The following SECISBP2L variants were observed in gnomAD, a reference collection of about 807,000 sequenced individuals.
SECISBP2L encodes SECIS binding protein 2 like.
Under a neutral mutation model 114.7 loss-of-function variants are expected in SECISBP2L, and 43 were observed. That is an observed-to-expected ratio of 0.38 (90% CI 0.29 to 0.48). The LOEUF is 0.48. Among genes scored for constraint, SECISBP2L ranks in the 20% least tolerant of loss-of-function variants. The pLI is 0.98. For missense variants in SECISBP2L, 1,136 were observed against 1,301.1 expected (o/e 0.87, Z 1.95); for synonymous variants, 451 against 439.7 (o/e 1.03, Z -0.32).
intron 7 of SECISBP2L, chr15:49,019,753 ACAT>A: frequency 2.5e-6 from 1 of 403,578 alleles, no homozygotes; most frequent in East Asian, 4.0e-5. Context: ...CAATTAATCC[ACAT>A]TGCTTTTTTC....
At chr15:49,000,778 C>T (rs958142293) in intron 15 of SECISBP2L, 99 bp downstream of exon 15, 1 of 949,970 alleles carries the variant, frequency 1.1e-6, no homozygotes. Flanking sequence ...TTGTTTTATA[C>T]CTAAACTCTG....
At chr15:49,000,749 CT>C (rs1902186590) in intron 15 of SECISBP2L, 127 bp downstream of exon 15, 2 of 709,642 alleles carry the variant, frequency 2.8e-6, no homozygotes, top group Non-Finnish European at 4.5e-6. Context: ...ACTGCATTTT[CT>C]TTTCTCATGC....
chr15:49,045,613 T>A (rs772717383), intron 1 of SECISBP2L, among the ~76,000 whole-genome samples: 1 of 152,154 alleles, frequency 6.6e-6, no homozygotes, highest in African/African-American at 2.4e-5. Context: ...AGAACACTAA[T>A]AGGACTACTT....
chr15:49,024,021 A>T (rs28564640), intron 7 of SECISBP2L, among the ~76,000 whole-genome samples: 1,901 of 152,292 alleles, frequency 0.012, 47 homozygotes, highest in African/African-American at 0.044. Flanking sequence ...GTTTTAAAAG[A>T]TTTCAAGTTT....
At chr15:49,012,855 C>T in intron 11 of SECISBP2L, 38 bp from the exon 12 acceptor site, 1 of 1,572,358 alleles carries the variant, frequency 6.4e-7, no homozygotes, top group Non-Finnish European at 8.6e-7. Flanking sequence ...ACCATTAGGG[C>T]CAATCCCACA....
At chr15:49,018,027 C>T (rs909870067) in intron 8 of SECISBP2L, among the ~76,000 whole-genome samples, 3 of 152,076 alleles carry the variant, frequency 2.0e-5, no homozygotes, top group African/African-American at 7.2e-5. Flanking sequence ...ACACAATTGT[C>T]AATAAGGTTA....
intron 3 of SECISBP2L, among the ~76,000 whole-genome samples, chr15:49,034,675 T>G (rs2141084070): frequency 6.7e-6 from 1 of 149,468 alleles, no homozygotes; most frequent in South Asian, 2.1e-4. Context: ...TTTTGTTTTT[T>G]TTTTTTTGAG....
At chr15:49,041,920 G>A (rs7177404) in intron 1 of SECISBP2L, among the ~76,000 whole-genome samples, 126,922 of 152,194 alleles carry the variant, frequency 0.83, 54,237 homozygotes, top group East Asian at 0.94. Context: ...TTAAAATGCC[G>A]AAACAAAACA....
In SECISBP2L at chr15:48,991,963, G is replaced by T. The variant is rs976687918; in HGVS notation, c.*281C>A. The T allele has an allele frequency of 2.1e-5, 6 of 282,620 alleles. No homozygotes were observed. Among genetic ancestry groups the T allele is most frequent in the African/African-American group, 1.3e-4 (6 of 45,696 alleles). 17.5% of individuals were successfully genotyped at this position (282,620 alleles called of 1,614,324 possible). A position where few individuals can be genotyped will look rare whatever the true frequency, so the allele number is the denominator to read the frequency against. ...CAAAATGTCTTTTAAGTAAGCATTT[G>T]AAATTTATTTTCTTTAAGATCTGGT... On this transcript the variant is annotated 3_prime_UTR_variant, in exon 18 of 18. Coordinates refer to ENST00000559471, the MANE Select transcript of SECISBP2L (RefSeq NM_001193489.2).
At position 48,999,872 on chromosome 15, in the gene SECISBP2L, A is replaced by T; in HGVS notation, c.2364T>A (p.Pro788=). 6.2e-7 allele frequency: 1 copy of T among 1,614,030 alleles called. No homozygotes were observed. Among genetic ancestry groups the T allele is most frequent in the Non-Finnish European group, 8.5e-7 (1 of 1,179,928 alleles). The part of the protein sequence containing the change: ...ALGRCVNKLV[P]VSVVGIFNYF... ...AGTTGAAGATTCCCACTACGCTAAC[A>T]GGAACCAGCTTGTTCACACAGCGTC... Residue 788 remains proline (P), a synonymous_variant, in exon 16 of 18, where the codon CCT becomes CCA. Transcript: ENST00000559471.
chr15:49,012,335 C>G (rs909919884), intron 12 of SECISBP2L, among the ~76,000 whole-genome samples: 3 of 152,104 alleles, frequency 2.0e-5, no homozygotes, highest in African/African-American at 7.2e-5. Context: ...ATATGTGTAG[C>G]AAGCACTGAA....
At position 49,000,036 on chromosome 15, in the gene SECISBP2L, G is replaced by A. The variant is rs769456975; in HGVS notation, c.2249-49C>T. 3.1e-6 allele frequency: 5 copies of A among 1,596,540 alleles called. No individual in the cohort carries two copies. The African/African-American group carries it at 5.4e-5, about 17-fold the overall frequency. Reference sequence around the variant, plus strand: ...CGCCTTTAGTTGTTGCCTACATGGAGCTAATTGCACACCCGATAGCTAAAG... The same window carrying A: ...CGCCTTTAGTTGTTGCCTACATGGAACTAATTGCACACCCGATAGCTAAAG... On this transcript the variant is annotated intron_variant, in intron 15 of 17. Transcript: ENST00000559471.
Position 48,989,263 on chromosome 15 carries a change from T to C in SECISBP2L, c.*2981A>G, listed in dbSNP as rs1003793725. 6.6e-6 allele frequency: 1 copy of C among 152,482 alleles called. No individual in the cohort carries two copies. The allele number at this position is 152,482 out of a possible 1,614,324, so 9.4% of individuals were successfully genotyped here. On this transcript the variant is annotated 3_prime_UTR_variant, in exon 18 of 18. Transcript: ENST00000559471. Reference sequence around the variant, plus strand: ...AATGAGTGTAGCATTCACTACTCATTTGCACATTTCAATTCCCACCCCTCC... The same window carrying C: ...AATGAGTGTAGCATTCACTACTCATCTGCACATTTCAATTCCCACCCCTCC...
Position 48,988,675 on chromosome 15 carries a change from C to T in SECISBP2L, c.*3569G>A, listed in dbSNP as rs112041572. 570 of 454,452 alleles carry T rather than the reference C, an allele frequency of 1.3e-3. 1 individual carries two copies. Among genetic ancestry groups the T allele is most frequent in the African/African-American group, 0.011 (527 of 50,016 alleles). The allele number at this position is 454,452 out of a possible 1,614,324, so 28.2% of individuals were successfully genotyped here. On this transcript the variant is annotated 3_prime_UTR_variant, in exon 18 of 18. Transcript: ENST00000559471. Reference sequence around the variant, plus strand: ...AATCATTTTATTAGTACAGAAGAATCCCCACTAGTATTTACATAGTGCAAA... The same window carrying T: ...AATCATTTTATTAGTACAGAAGAATTCCCACTAGTATTTACATAGTGCAAA...
At chr15:49,038,233 A>C (rs1903052026) in intron 1 of SECISBP2L, among the ~76,000 whole-genome samples, 3 of 152,160 alleles carry the variant, frequency 2.0e-5, no homozygotes, top group Non-Finnish European at 4.4e-5. Flanking sequence ...GATCAGTATC[A>C]TTAAAAGAAA....
intron 4 of SECISBP2L, among the ~76,000 whole-genome samples, chr15:49,029,954 T>C (rs1408700707): frequency 2.6e-5 from 4 of 151,758 alleles, no homozygotes; most frequent in African/African-American, 9.7e-5. Flanking sequence ...AAATTTTTAT[T>C]AATATTACTT....
chr15:49,008,360 G>A (rs1476778943), intron 14 of SECISBP2L, among the ~76,000 whole-genome samples: 1 of 152,204 alleles, frequency 6.6e-6, no homozygotes, highest in Non-Finnish European at 1.5e-5. Context: ...GTCAAAGTGT[G>A]CCAAATTGAA....
chr15:49,020,158 T>C (rs1394145654), intron 7 of SECISBP2L, among the ~76,000 whole-genome samples: 1 of 152,158 alleles, frequency 6.6e-6, no homozygotes, highest in Non-Finnish European at 1.5e-5. Flanking sequence ...GGGTGTGATA[T>C]TGCACTATAG....
intron 2 of SECISBP2L, among the ~76,000 whole-genome samples, chr15:49,036,747 T>C (rs1903016222): frequency 2.0e-5 from 3 of 152,314 alleles, no homozygotes; most frequent in East Asian, 1.9e-4. Flanking sequence ...ATTTGAGTAG[T>C]TGAATGGCCT....
Sources: allele counts gnomAD v4.1 joint callset (sites outside exome capture counted in the v4.1 genomes callset), GRCh38; gene constraint gnomAD v4.1.1; transcripts MANE v1.5; gene names NCBI Gene and HGNC (gene_info 2026-07-23, HGNC 2026-07-21).